UVRAG: variants seen among roughly 807,000 people sequenced by gnomAD.
UVRAG encodes UV radiation resistance associated, also known as UV radiation resistance-associated gene protein.
A neutral mutation model predicts 78.0 loss-of-function variants in UVRAG; 19 were observed. The ratio of observed to expected loss-of-function variants is 0.24; its 90% CI spans 0.17 to 0.36. The LOEUF (loss-of-function observed/expected upper bound fraction) is 0.36. Ranked by LOEUF, UVRAG falls within the 10% of genes least tolerant of loss-of-function variation. The pLI is 1.00. For missense variants in UVRAG, 740 were observed against 853.8 expected (o/e 0.87, Z 1.66); for synonymous variants, 323 against 324.6 (o/e 1.00, Z 0.05).
At chr11:76,034,126 A>C (rs896147331) in intron 12 of UVRAG, among the ~76,000 whole-genome samples, 1 of 152,166 alleles carries the variant, frequency 6.6e-6, no homozygotes, top group Non-Finnish European at 1.5e-5. Context: ...GCTAATATTT[A>C]ATTGTTTTAA....
intron 14 of UVRAG, among the ~76,000 whole-genome samples, chr11:76,131,396 G>A (rs1952511164): frequency 1.3e-5 from 2 of 152,172 alleles, no homozygotes; most frequent in African/African-American, 4.8e-5. Flanking sequence ...GGGCCATGGA[G>A]GCCTGATGGC....
chr11:75,859,249 A>G (rs1946364611), intron 2 of UVRAG, among the ~76,000 whole-genome samples: 1 of 151,914 alleles, frequency 6.6e-6, no homozygotes, highest in Non-Finnish European at 1.5e-5. Context: ...GGTGGTGTGC[A>G]CCTGCAATCC....
intron 8 of UVRAG, among the ~76,000 whole-genome samples, chr11:75,987,184 A>G (rs1949516255): frequency 6.6e-6 from 1 of 152,066 alleles, no homozygotes; most frequent in African/African-American, 2.4e-5. Flanking sequence ...ACTGCCAACC[A>G]TTTTCCACAA....
chr11:75,857,394 C>T (rs1590939964), intron 2 of UVRAG, among the ~76,000 whole-genome samples: 1 of 152,182 alleles, frequency 6.6e-6, no homozygotes, highest in Non-Finnish European at 1.5e-5. Context: ...TTTTAACTAA[C>T]TTAAAGACCT....
chr11:75,833,776 A>G lies in UVRAG; in HGVS notation c.118-18107A>G, dbSNP rs144818397. On this transcript the variant is annotated intron_variant, in intron 1 of 14. Coordinates refer to ENST00000356136, the MANE Select transcript of UVRAG (RefSeq NM_003369.4). ...CAAAGGGATGGGCCAAAATAAAGGG[A>G]TGGATTGGGCTAGTTATCTGCAGCA... Among the ~76,000 whole-genome samples, 709 of 152,290 alleles carry G rather than the reference A, an allele frequency of 4.7e-3. 4 individuals carry two copies. The highest frequency in any genetic ancestry group is 0.016 in the African/African-American group (649 of 41,572).
rs1190668920 is a variant in UVRAG at position 75,911,974 on chromosome 11, G to A, written c.528G>A (p.Lys176=). The A allele has an allele frequency of 2.5e-6, 4 of 1,612,664 alleles. No homozygotes were observed. The highest frequency in any genetic ancestry group is 3.4e-6 in the Non-Finnish European group (4 of 1,179,200). ...TTCAGGGTTATTCAAATGCTCAGAA[G>A]ACTATTCTTCTGCAGGTGGATCAGA... ...FEHKGYSNAQ[K]TILLQVDQNC... The change falls in exon 6 of 15, where the codon AAG becomes AAA. Residue 176 remains lysine, a synonymous_variant. Coordinates refer to ENST00000356136, the MANE Select transcript of UVRAG (RefSeq NM_003369.4).
chr11:75,950,963 T>TAC (rs35864936), intron 6 of UVRAG, among the ~76,000 whole-genome samples: 15,946 of 139,898 alleles, frequency 0.11, 819 homozygotes, highest in South Asian at 0.18. Flanking sequence ...TTGTCAGGTG[T>TAC]ACACACACAC....
intron 14 of UVRAG, among the ~76,000 whole-genome samples, chr11:76,127,291 G>T (rs1305745240): frequency 6.6e-6 from 1 of 152,194 alleles, no homozygotes; most frequent in African/African-American, 2.4e-5. Context: ...TACCTTCAGA[G>T]TTCAAAGAGA....
chr11:75,965,830 T>G (rs1022867341), intron 7 of UVRAG, among the ~76,000 whole-genome samples: 5 of 152,222 alleles, frequency 3.3e-5, no homozygotes, highest in African/African-American at 1.2e-4. Context: ...TATAGTTTTT[T>G]GGGATTTTCT....
intron 6 of UVRAG, among the ~76,000 whole-genome samples, chr11:75,953,390 C>A (rs1948740682): frequency 6.6e-6 from 1 of 152,168 alleles, no homozygotes; most frequent in South Asian, 2.1e-4. Flanking sequence ...GAATAAAAAT[C>A]TAAGCACCTT....
In UVRAG at chr11:75,945,343, C is replaced by G. The variant is rs191114893; in HGVS notation, c.594-16101C>G. Among the ~76,000 whole-genome samples, 4 of 152,166 alleles carry G rather than the reference C, an allele frequency of 2.6e-5. No homozygotes were observed. In the East Asian group the frequency reaches 7.7e-4, roughly 29 times the overall value. On this transcript the variant is annotated intron_variant, in intron 6 of 14. Coordinates refer to ENST00000356136, the MANE Select transcript of UVRAG (RefSeq NM_003369.4). The stretch of plus-strand genomic sequence containing the variant: ...ACGGGGAAGCTCAGGAGCACAGACA[C>G]TACCAAGTTATAGGCCTAGGTTTTC...
chr11:76,102,874 T>G (rs574328914), intron 13 of UVRAG, among the ~76,000 whole-genome samples: 1 of 152,310 alleles, frequency 6.6e-6, no homozygotes, highest in African/African-American at 2.4e-5. Context: ...CTGGTTTCTC[T>G]GCTCAGGGTT....
intron 1 of UVRAG, among the ~76,000 whole-genome samples, chr11:75,840,450 T>G (rs946031352): frequency 6.6e-6 from 1 of 152,002 alleles, no homozygotes; most frequent in African/African-American, 2.4e-5. Flanking sequence ...TTCACCAAGT[T>G]TGGGGGTAAA....
At chr11:75,975,365 A>G (rs978714545) in intron 7 of UVRAG, among the ~76,000 whole-genome samples, 2 of 152,108 alleles carry the variant, frequency 1.3e-5, no homozygotes, top group Admixed American at 6.5e-5. Flanking sequence ...TTTTGGTTCC[A>G]TATGAACTTT....
chr11:76,049,670 A>G (rs1378527517), intron 12 of UVRAG, among the ~76,000 whole-genome samples: 2 of 152,224 alleles, frequency 1.3e-5, no homozygotes, highest in African/African-American at 4.8e-5. Flanking sequence ...TACTTCACCC[A>G]TACATTCACC....
intron 7 of UVRAG, among the ~76,000 whole-genome samples, chr11:75,978,292 C>T (rs1259002970): frequency 6.6e-6 from 1 of 152,114 alleles, no homozygotes; most frequent in Non-Finnish European, 1.5e-5. Flanking sequence ...TCTCTGGCTG[C>T]CCTTAACATT....
chr11:76,082,559 A>AC (rs11410510), intron 13 of UVRAG, among the ~76,000 whole-genome samples: 63 of 150,824 alleles, frequency 4.2e-4, no homozygotes, highest in East Asian at 7.8e-4. Context: ...AAAAAAAAAA[A>AC]CATAGGTAAC....
intron 2 of UVRAG, among the ~76,000 whole-genome samples, chr11:75,858,777 CCT>C (rs1946350100): frequency 6.6e-6 from 1 of 152,068 alleles, no homozygotes; most frequent in African/African-American, 2.4e-5. Flanking sequence ...TTTTTGCCAC[CCT>C]GTTAGGTGAA....
intron 13 of UVRAG, among the ~76,000 whole-genome samples, chr11:76,075,063 A>G (rs1951379302): frequency 6.6e-6 from 1 of 152,194 alleles, no homozygotes; most frequent in African/African-American, 2.4e-5. Flanking sequence ...CCAGCAGCTT[A>G]AATTCATGTA....
Sources: gnomAD v4.1 joint callset for allele counts (sites outside exome capture counted in the v4.1 genomes callset) on GRCh38, gnomAD v4.1.1 for gene constraint, MANE v1.5 for transcripts, NCBI Gene and HGNC (gene_info 2026-07-23, HGNC 2026-07-21) for gene names.